Variants in CTNNA3 observed in about 807,000 individuals in gnomAD.
CTNNA3 encodes the protein catenin alpha 3.
Under a neutral mutation model 95.7 loss-of-function variants are expected in CTNNA3, and 76 were observed. The observed-to-expected ratio is 0.79, with a 90% CI of 0.66 to 0.96. The LOEUF (loss-of-function observed/expected upper bound fraction) is 0.96, where lower values mean the gene tolerates loss of function less well. Among genes scored for constraint, CTNNA3 ranks in the 40% least tolerant of loss-of-function variants. The pLI, the probability that CTNNA3 is intolerant of heterozygous loss-of-function variation, is 0.00. For missense variants in CTNNA3, 1,191 were observed against 1,089.8 expected (o/e 1.09, Z -1.31); for synonymous variants, 431 against 374.4 (o/e 1.15, Z -1.74).
rs1181390479 is a variant in CTNNA3 at position 66,331,356 on chromosome 10, T to C, written c.1732+47796A>G. Among the ~76,000 whole-genome samples the C allele has an allele frequency of 8.6e-5, 11 of 127,486 alleles. 1 individual carries two copies. The highest frequency in any genetic ancestry group is 3.4e-4 in the African/African-American group (11 of 32,308). 83.6% of individuals were successfully genotyped at this position (127,486 alleles called of 152,430 possible). A position where few individuals can be genotyped will look rare whatever the true frequency, so the allele number is the denominator to read the frequency against. On this transcript the variant is annotated intron_variant, in intron 12 of 17. Transcript: ENST00000433211. ...CCCCATTGTTTGTTTTTTTTTTTTT[T>C]TTTTTTTTTTTTTTTGAGACGGAGT...
intron 17 of CTNNA3, among the ~76,000 whole-genome samples, chr10:65,941,483 C>A (rs562567459): frequency 6.6e-6 from 1 of 152,200 alleles, no homozygotes; most frequent in South Asian, 2.1e-4. Flanking sequence ...TTTAAGCTAC[C>A]CACGTGATTC....
At chr10:67,470,152 T>C (rs1453889921) in intron 5 of CTNNA3, among the ~76,000 whole-genome samples, 1 of 152,210 alleles carries the variant, frequency 6.6e-6, no homozygotes, top group African/African-American at 2.4e-5. Context: ...CTTCATGAGT[T>C]CAGTTGTTTT....
chr10:66,113,693 A>T (rs2082203294), intron 13 of CTNNA3, among the ~76,000 whole-genome samples: 1 of 152,238 alleles, frequency 6.6e-6, no homozygotes, highest in Non-Finnish European at 1.5e-5. Context: ...ATCAGGAAAG[A>T]TAATGAATAT....
In CTNNA3 at chr10:67,725,843, T is replaced by A. The variant is rs911241368; in HGVS notation, c.-2+37591A>T. 6.1e-5 allele frequency among the ~76,000 whole-genome samples: 9 copies of A among 148,646 alleles called. No individual in the cohort carries two copies. The South Asian group carries it at 1.5e-3, about 24-fold the overall frequency. On this transcript the variant is annotated intron_variant, in intron 1 of 17. Transcript: ENST00000684154. ...ATCTTGATTTTTTTAAGTCTTATTG[T>A]AAATACGTAAGGTGTACCTTCCTCA...
intron 11 of CTNNA3, among the ~76,000 whole-genome samples, chr10:66,452,952 A>G (rs1226413059): frequency 2.6e-5 from 4 of 152,156 alleles, no homozygotes; most frequent in Non-Finnish European, 5.9e-5. Context: ...GCAGTGGCTC[A>G]TGCCTGTAAT....
At chr10:66,440,066 A>G (rs968717713) in intron 11 of CTNNA3, among the ~76,000 whole-genome samples, 1 of 152,166 alleles carries the variant, frequency 6.6e-6, no homozygotes, top group Admixed American at 6.5e-5. Context: ...TCTCATATTG[A>G]TAGCATTTAT....
At chr10:67,148,422 TA>T (rs1860938366) in intron 7 of CTNNA3, among the ~76,000 whole-genome samples, 1 of 152,150 alleles carries the variant, frequency 6.6e-6, no homozygotes, top group South Asian at 2.1e-4. Flanking sequence ...AGGGAAGTAA[TA>T]TGATCATCTA....
chr10:66,430,907 T>C (rs569146038), intron 11 of CTNNA3, among the ~76,000 whole-genome samples: 18 of 152,088 alleles, frequency 1.2e-4, no homozygotes, highest in Non-Finnish European at 2.6e-4. Flanking sequence ...ACAAATGGCA[T>C]CTAATTAAAC....
At chr10:67,221,858 T>C (rs1475292381) in intron 5 of CTNNA3, among the ~76,000 whole-genome samples, 1 of 152,148 alleles carries the variant, frequency 6.6e-6, no homozygotes, top group African/African-American at 2.4e-5. Flanking sequence ...TCTTATTTGC[T>C]ACACAGAATG....
At chr10:66,291,917 A>T (rs12776817) in intron 12 of CTNNA3, among the ~76,000 whole-genome samples, 22,819 of 150,836 alleles carry the variant, frequency 0.15, 1,860 homozygotes, top group East Asian at 0.28. Context: ...TTTTGTGTAC[A>T]TATATGTATA....
rs191388806 is a variant in CTNNA3, at chr10:66,769,401, T to C, written c.1129-2985A>G. Among the ~76,000 whole-genome samples the C allele has an allele frequency of 5.3e-5, 3 of 56,856 alleles. No individual in the cohort carries two copies. The East Asian group carries it at 4.3e-3, about 81-fold the overall frequency. The allele number at this position is 56,856 out of a possible 152,430, so 37.3% of individuals were successfully genotyped here. On this transcript the variant is annotated intron_variant, in intron 8 of 17. Transcript: ENST00000433211. ...TGTAACTAATTCAACCAACCCACAA[T>C]ATTCTCACCAGTCTAACCATTCTCC...
chr10:66,642,271 CACACACAA>C (rs757488289), intron 9 of CTNNA3, among the ~76,000 whole-genome samples: 7,462 of 78,804 alleles, frequency 0.095, 238 homozygotes, highest in Middle Eastern at 0.12. Context: ...CACACACACA[CACACACAA>C]ACACACACAC....
chr10:67,598,134 G>C (rs1350376357), intron 3 of CTNNA3, among the ~76,000 whole-genome samples: 1 of 152,098 alleles, frequency 6.6e-6, no homozygotes, highest in Admixed American at 6.5e-5. Context: ...AAACCACCTA[G>C]AGGAGTATGG....
intron 1 of CTNNA3, among the ~76,000 whole-genome samples, chr10:67,661,032 A>G (rs556310696): frequency 5.3e-5 from 8 of 152,280 alleles, no homozygotes; most frequent in Non-Finnish European, 1.0e-4. Context: ...AACTGTTAGT[A>G]AGGCTGCAGA....
intron 11 of CTNNA3, among the ~76,000 whole-genome samples, chr10:66,395,981 T>C (rs2092972913): frequency 6.6e-6 from 1 of 151,956 alleles, no homozygotes; most frequent in African/African-American, 2.4e-5. Context: ...ATTTCCATCT[T>C]CATGTCTACA....
chr10:66,368,900 A>T (rs2092732789), intron 12 of CTNNA3, among the ~76,000 whole-genome samples: 1 of 152,154 alleles, frequency 6.6e-6, no homozygotes, highest in Non-Finnish European at 1.5e-5. Context: ...CCTACAATCA[A>T]CACTAGACTT....
intron 7 of CTNNA3, among the ~76,000 whole-genome samples, chr10:67,056,921 G>T (rs1457548727): frequency 3.3e-5 from 5 of 152,102 alleles, no homozygotes; most frequent in African/African-American, 9.7e-5. Context: ...GAGTGAATCT[G>T]CTCATGCTCC....
intron 5 of CTNNA3, among the ~76,000 whole-genome samples, chr10:67,308,275 C>T (rs182859688): frequency 6.4e-4 from 97 of 152,278 alleles, no homozygotes; most frequent in African/African-American, 1.9e-3. Context: ...CATGTGTCAT[C>T]GGAGGGACCC....
chr10:66,130,375 T>C (rs918160419), intron 13 of CTNNA3, among the ~76,000 whole-genome samples: 1 of 148,884 alleles, frequency 6.7e-6, no homozygotes, highest in Non-Finnish European at 1.5e-5. Flanking sequence ...AGAGCTGAAC[T>C]GAAGACTGAG....
Sources: gnomAD v4.1 joint callset for allele counts (sites outside exome capture counted in the v4.1 genomes callset) on GRCh38, gnomAD v4.1.1 for gene constraint, MANE v1.5 for transcripts, NCBI Gene and HGNC (gene_info 2026-07-23, HGNC 2026-07-21) for gene names.